The following JAKMIP1 variants were observed in gnomAD, a reference collection of about 807,000 sequenced individuals.
JAKMIP1 encodes janus kinase and microtubule interacting protein 1.
In JAKMIP1, 33 loss-of-function variants were observed where a neutral mutation model predicts 113.0. The ratio of observed to expected loss-of-function variants is 0.29; its 90% CI spans 0.22 to 0.39. The LOEUF (loss-of-function observed/expected upper bound fraction) is 0.39, where lower values mean the gene tolerates loss of function less well. Ranked by LOEUF, JAKMIP1 falls within the 10% of genes least tolerant of loss-of-function variation. The pLI is 1.00. For missense variants in JAKMIP1, 813 were observed against 1,080.5 expected, an observed-to-expected ratio of 0.75 and a Z score of 3.47; for synonymous variants, 480 against 459.9, an observed-to-expected ratio of 1.04 and a Z score of -0.56.
intron 11 of JAKMIP1, among the ~76,000 whole-genome samples, chr4:6,057,268 G>C (rs547840207): frequency 6.6e-6 from 1 of 152,240 alleles, no homozygotes; most frequent in African/African-American, 2.4e-5. Flanking sequence ...CTGTCACATG[G>C]GGACAGGGGG....
rs1476143996 is a variant in JAKMIP1, at chr4:6,135,964, G to A, written c.-147-22967C>T. 1.3e-5 allele frequency among the ~76,000 whole-genome samples: 2 copies of A among 152,204 alleles called. No homozygotes were observed. Among genetic ancestry groups the A allele is most frequent in the African/African-American group, 2.4e-5 (1 of 41,442 alleles). On this transcript the variant is annotated intron_variant, in intron 1 of 20. Coordinates refer to ENST00000409021, the MANE Select transcript of JAKMIP1 (RefSeq NM_001099433.2). This position sits in a 1 kb window ranked among gnomAD's most constrained non-coding sequence, Gnocchi z 4.9. ...GAAGTGTCCCTTCAACATGGACCGA[G>A]GCTGGGCACAGTGGCTCACACCTGT... is the stretch of plus-strand genomic sequence containing the variant.
chr4:6,028,690 T>G (rs1040017300), intron 20 of JAKMIP1, among the ~76,000 whole-genome samples: 1 of 152,150 alleles, frequency 6.6e-6, no homozygotes, highest in African/African-American at 2.4e-5. Context: ...GAGATGCCCC[T>G]TCTACCTCCT....
chr4:6,182,992 C>T (rs940502731), intron 1 of JAKMIP1, among the ~76,000 whole-genome samples: 4 of 152,214 alleles, frequency 2.6e-5, no homozygotes, highest in Admixed American at 6.5e-5. Flanking sequence ...CCCTTCCTCC[C>T]GCTCAGCTCA....
intron 1 of JAKMIP1, among the ~76,000 whole-genome samples, chr4:6,169,997 CCACCACCACCACCCT>C (rs1303301561): frequency 1.4e-3 from 156 of 109,988 alleles, no homozygotes; most frequent in African/African-American, 4.2e-3. Context: ...ACCACCACCA[CCACCACCACCACCCT>C]CACCACCACC....
At position 6,193,460 on chromosome 4, in the gene JAKMIP1, AAAG is replaced by A. The variant is rs1248507836; in HGVS notation, c.-148+6790_-148+6792del. 1.3e-5 allele frequency among the ~76,000 whole-genome samples: 2 copies of A among 152,230 alleles called. No homozygotes were observed. Among genetic ancestry groups the A allele is most frequent in the African/African-American group, 4.8e-5 (2 of 41,460 alleles). On this transcript the variant is annotated intron_variant, in intron 1 of 20. Coordinates refer to ENST00000409021, the MANE Select transcript of JAKMIP1 (RefSeq NM_001099433.2). This position sits in a 1 kb window ranked among gnomAD's most constrained non-coding sequence, Gnocchi z 6.4. ...TGACTAATACAGACGTGAGGGATGA[AAAG>A]AAGCCAGTCTGGGCCAGGGTAGGGA... is the stretch of plus-strand genomic sequence containing the variant.
At chr4:6,111,470 G>C (rs915184078) in intron 2 of JAKMIP1, among the ~76,000 whole-genome samples, 1 of 152,226 alleles carries the variant, frequency 6.6e-6, no homozygotes, top group African/African-American at 2.4e-5. Flanking sequence ...GACTGCAGCT[G>C]TGCCTGGGCA....
intron 20 of JAKMIP1, 112 bp from the exon 21 acceptor site, chr4:6,026,390 C>CT (rs1386404177): frequency 1.1e-5 from 7 of 654,652 alleles, no homozygotes; most frequent in Non-Finnish European, 1.9e-5. Context: ...AACTAGGACA[C>CT]TGAGTTGTTG....
rs1003056214 is a variant in JAKMIP1, at chr4:6,155,558, C to T, written c.-147-42561G>A. Among the ~76,000 whole-genome samples the T allele has an allele frequency of 5.3e-5, 8 of 152,162 alleles. No homozygotes were observed. Among genetic ancestry groups the T allele is most frequent in the South Asian group, 4.1e-4 (2 of 4,830 alleles). On this transcript the variant is annotated intron_variant, in intron 1 of 20. Coordinates refer to ENST00000409021, the MANE Select transcript of JAKMIP1 (RefSeq NM_001099433.2). This position sits in a 1 kb window ranked among gnomAD's most constrained non-coding sequence, Gnocchi z 6.1. ...CTAACTGGCTCTGAAAACTTCTAAA[C>T]GCCCAGCGCTGCTACCTGATTTCCC...
intron 16 of JAKMIP1, among the ~76,000 whole-genome samples, chr4:6,046,137 C>T (rs916189955): frequency 2.6e-5 from 4 of 152,184 alleles, no homozygotes; most frequent in African/African-American, 4.8e-5. Context: ...TCTCACGTCC[C>T]AGGAAAGCTG....
In JAKMIP1 at chr4:6,162,081, G is replaced by A. The variant is rs1214400441; in HGVS notation, c.-148+38172C>T. On this transcript the variant is annotated intron_variant, in intron 1 of 20. Coordinates refer to ENST00000409021, the MANE Select transcript of JAKMIP1 (RefSeq NM_001099433.2). The surrounding 1 kb of genome is among the most constrained non-coding windows in gnomAD (Gnocchi z 5.6). Reference sequence around the variant, plus strand: ...ATTGCACAGGCCAGCCATGAGCTCAGGCTCAGCCATGTCTGGGACGGGGTA... The same window carrying A: ...ATTGCACAGGCCAGCCATGAGCTCAAGCTCAGCCATGTCTGGGACGGGGTA... Among the ~76,000 whole-genome samples, 1 of 148,092 alleles carries A rather than the reference G, an allele frequency of 6.8e-6. No homozygotes were observed. Among genetic ancestry groups the A allele is most frequent in the Non-Finnish European group, 1.5e-5 (1 of 68,012 alleles).
At chr4:6,101,392 A>T (rs1346751818) in intron 3 of JAKMIP1, among the ~76,000 whole-genome samples, 1 of 152,102 alleles carries the variant, frequency 6.6e-6, no homozygotes, top group African/African-American at 2.4e-5. Context: ...ACACACGTGA[A>T]GATGTACTTC....
intron 7 of JAKMIP1, 150 bp from the exon 8 acceptor site, chr4:6,079,148 A>G (rs1276172689): frequency 8.4e-6 from 6 of 712,542 alleles, no homozygotes; most frequent in Non-Finnish European, 1.5e-5. Context: ...TGCTTCTCTG[A>G]ACTGAGAGCT....
rs1159033591 is a variant in JAKMIP1 at position 6,154,538 on chromosome 4, G to A, written c.-147-41541C>T. Among the ~76,000 whole-genome samples the A allele has an allele frequency of 6.6e-6, 1 of 151,574 alleles. No homozygotes were observed. The highest frequency in any genetic ancestry group is 1.5e-5 in the Non-Finnish European group (1 of 67,910). On this transcript the variant is annotated intron_variant, in intron 1 of 20. Coordinates refer to ENST00000409021, the MANE Select transcript of JAKMIP1 (RefSeq NM_001099433.2). This position sits in a 1 kb window ranked among gnomAD's most constrained non-coding sequence, Gnocchi z 4.2. ...AAGCAGGGGGGATATAAAAGGAAGA[G>A]GATGCATTTCAGCCTTGAAAAAGGC...
rs1721687108 is a variant in JAKMIP1, at chr4:6,089,101, G to A, written c.625-3472C>T. The stretch of plus-strand genomic sequence containing the variant: ...AGAAAGGGACTCTGGGCTGTGTGGT[G>A]TGAGAATGTGGGACCTGGCACAGTG... On this transcript the variant is annotated intron_variant, in intron 3 of 20. Transcript: ENST00000409021. The surrounding 1 kb of genome is among the most constrained non-coding windows in gnomAD (Gnocchi z 5.3). Among the ~76,000 whole-genome samples the A allele has an allele frequency of 1.3e-5, 2 of 152,222 alleles. No homozygotes were observed. Among genetic ancestry groups the A allele is most frequent in the South Asian group, 2.1e-4 (1 of 4,830 alleles).
At position 6,105,592 on chromosome 4, in the gene JAKMIP1, G is replaced by A. The variant is rs995055217; in HGVS notation, c.505C>T (p.Leu169Phe). 1 of 1,597,964 alleles carries A rather than the reference G, an allele frequency of 6.3e-7. No individual in the cohort carries two copies. Among genetic ancestry groups the A allele is most frequent in the African/African-American group, 1.3e-5 (1 of 74,780 alleles). ...KAARKQAEEA[L>F]SNCMQADKTK... ...TTGTCAGCCTGCATGCAGTTACTGA[G>A]CGCCTCCTCTGCCTGCTTGCGCGCT... The change falls in exon 3 of 21, where the codon CTC becomes TTC. Residue 169 changes from leucine (L) to phenylalanine (F), a missense_variant. Leu to Phe is a conservative substitution (Grantham distance 22, BLOSUM62 0). Transcript: ENST00000409021.
At chr4:6,149,913 C>T (rs1040955361) in intron 1 of JAKMIP1, among the ~76,000 whole-genome samples, 7 of 152,114 alleles carry the variant, frequency 4.6e-5, no homozygotes, top group Admixed American at 2.0e-4. Flanking sequence ...CCACCCATGG[C>T]CCACCCTCCA....
chr4:6,149,728 C>A (rs188438559), intron 1 of JAKMIP1, among the ~76,000 whole-genome samples: 50 of 152,220 alleles, frequency 3.3e-4, no homozygotes, highest in Admixed American at 1.9e-3. Context: ...CAGGGCCCTG[C>A]ACCTCTTGAC....
intron 3 of JAKMIP1, among the ~76,000 whole-genome samples, chr4:6,098,536 G>GAA (rs1712239814): frequency 4.2e-5 from 2 of 47,578 alleles, no homozygotes; most frequent in South Asian, 1.0e-3. Flanking sequence ...GAGAGAGAGA[G>GAA]AGAGAAAGAA....
chr4:6,096,198 C>T (rs1004203968), intron 3 of JAKMIP1, among the ~76,000 whole-genome samples: 1 of 152,186 alleles, frequency 6.6e-6, no homozygotes, highest in African/African-American at 2.4e-5. Context: ...TACACCCTAC[C>T]TTTAAAAAAA....
Sources: gnomAD v4.1 joint callset for allele counts (sites outside exome capture counted in the v4.1 genomes callset) on GRCh38, gnomAD v4.1.1 for gene constraint, Gnocchi (gnomAD v3.1) non-coding constraint, MANE v1.5 for transcripts, NCBI Gene and HGNC (gene_info 2026-07-23, HGNC 2026-07-21) for gene names.